The following SBF2 variants were observed in gnomAD, a reference collection of about 807,000 sequenced individuals.
The protein encoded by SBF2 is SET binding factor 2.
In SBF2, 112 loss-of-function variants were observed where a neutral mutation model predicts 225.2. The observed-to-expected ratio is 0.50, with a 90% CI of 0.43 to 0.58. The LOEUF (loss-of-function observed/expected upper bound fraction) is 0.58. Ranked by LOEUF, SBF2 falls within the 20% of genes least tolerant of loss-of-function variation. The pLI is 0.00. For missense variants in SBF2, 1,996 were observed against 2,206.2 expected (o/e 0.90, Z 1.91); for synonymous variants, 763 against 773.3 (o/e 0.99, Z 0.22).
At chr11:10,061,743 A>G (rs1050105662) in intron 2 of SBF2, among the ~76,000 whole-genome samples, 6 of 152,228 alleles carry the variant, frequency 3.9e-5, no homozygotes, top group African/African-American at 7.2e-5. Context: ...GGAAGAATCA[A>G]TATCATTAAA....
chr11:10,115,152 C>T (rs979824949), intron 2 of SBF2, among the ~76,000 whole-genome samples: 2 of 152,064 alleles, frequency 1.3e-5, no homozygotes, highest in Non-Finnish European at 2.9e-5. Flanking sequence ...TTCCTGGCCT[C>T]GGTGAACAAA....
intron 16 of SBF2, among the ~76,000 whole-genome samples, chr11:9,936,546 A>G (rs560969480): frequency 1.1e-4 from 17 of 152,372 alleles, no homozygotes; most frequent in African/African-American, 3.8e-4. Context: ...AAGACTTGGA[A>G]CCAACCCAAA....
At chr11:9,783,157 A>C (rs1356366435) in intron 38 of SBF2, 1 of 152,234 alleles carries the variant, frequency 6.6e-6, no homozygotes, top group Non-Finnish European at 1.5e-5. Flanking sequence ...AAATTATGAC[A>C]TTCTCCTATG....
intron 28 of SBF2, among the ~76,000 whole-genome samples, chr11:9,826,731 A>G (rs202197087): frequency 0.021 from 1,392 of 64,912 alleles, 38 homozygotes; most frequent in East Asian, 0.16. Flanking sequence ...ATATATATAT[A>G]TGTGTGTGTG....
chr11:10,024,158 T>A (rs566315940), intron 6 of SBF2, among the ~76,000 whole-genome samples: 2 of 152,326 alleles, frequency 1.3e-5, no homozygotes, highest in East Asian at 3.9e-4. Flanking sequence ...AGCCATTCAT[T>A]TTTCATTTAG....
intron 1 of SBF2, among the ~76,000 whole-genome samples, chr11:10,228,385 T>A (rs1231651251): frequency 1.3e-5 from 2 of 152,202 alleles, no homozygotes; most frequent in South Asian, 2.1e-4. Context: ...AGAGAGGGCA[T>A]CCCTGTCTTG....
At chr11:9,885,265 A>AAAC (rs1860179993) in intron 17 of SBF2, among the ~76,000 whole-genome samples, 1 of 150,104 alleles carries the variant, frequency 6.7e-6, no homozygotes, top group East Asian at 1.9e-4. Flanking sequence ...AAAAAAAAAA[A>AAAC]AAAAAAAAAA....
chr11:10,042,756 T>A, intron 3 of SBF2, 88 bp downstream of exon 3: 1 of 1,407,808 alleles, frequency 7.1e-7, no homozygotes, highest in Non-Finnish European at 1.0e-6. Flanking sequence ...AAACTCAAAC[T>A]TGCAGTTGTA....
chr11:10,253,025 A>G (rs1591310230), intron 1 of SBF2, among the ~76,000 whole-genome samples: 2 of 151,354 alleles, frequency 1.3e-5, no homozygotes, highest in East Asian at 1.9e-4. Flanking sequence ...TCATTGCTCA[A>G]TTAAACTCCT....
intron 2 of SBF2, among the ~76,000 whole-genome samples, chr11:10,177,418 G>A (rs994985403): frequency 3.4e-5 from 5 of 149,076 alleles, no homozygotes; most frequent in African/African-American, 7.5e-5. Context: ...GTTTGCAGAC[G>A]ACATGATTGT....
At chr11:9,861,430 G>A (rs1444760640) in intron 17 of SBF2, among the ~76,000 whole-genome samples, 4 of 152,146 alleles carry the variant, frequency 2.6e-5, no homozygotes, top group Middle Eastern at 3.2e-3. Flanking sequence ...TTGGGAGGCT[G>A]AGACAGGCAG....
chr11:9,805,022 A>C (rs988044773), intron 32 of SBF2, among the ~76,000 whole-genome samples: 3 of 152,170 alleles, frequency 2.0e-5, no homozygotes, highest in African/African-American at 7.2e-5. Flanking sequence ...AGGCAGATAG[A>C]TCACCTGAGC....
At chr11:9,892,219 A>G (rs1056133730) in intron 17 of SBF2, among the ~76,000 whole-genome samples, 1 of 151,990 alleles carries the variant, frequency 6.6e-6, no homozygotes, top group African/African-American at 2.4e-5. Context: ...CCTGAGTTCA[A>G]GTGATTCTCC....
chr11:10,129,290 G>A (rs1953915124), intron 2 of SBF2, among the ~76,000 whole-genome samples: 1 of 151,796 alleles, frequency 6.6e-6, no homozygotes, highest in Non-Finnish European at 1.5e-5. Context: ...TTTTAGCAGA[G>A]TCGGGGTTTC....
chr11:10,293,934 C>CGACGCCCGGCCCT, intron 1 of SBF2, 81 bp downstream of exon 1: 1 of 1,111,512 alleles, frequency 9.0e-7, no homozygotes, highest in Non-Finnish European at 1.1e-6. Flanking sequence ...CGCCCGTCCC[C>CGACGCCCGGCCCT]GACGCCCGGC....
intron 28 of SBF2, among the ~76,000 whole-genome samples, chr11:9,824,980 G>C (rs914119918): frequency 6.6e-6 from 1 of 152,158 alleles, no homozygotes; most frequent in African/African-American, 2.4e-5. Context: ...AGAAAGAAAT[G>C]ATGAGAAGAA....
At chr11:10,293,930 T>TGACGCCCGG in intron 1 of SBF2, 85 bp downstream of exon 1, 2 of 1,037,332 alleles carry the variant, frequency 1.9e-6, no homozygotes, top group African/African-American at 1.7e-5. Context: ...CCGACGCCCG[T>TGACGCCCGG]CCCCGACGCC....
chr11:10,041,008 C>T (rs1317530290), intron 3 of SBF2, among the ~76,000 whole-genome samples: 5 of 151,840 alleles, frequency 3.3e-5, no homozygotes, highest in Admixed American at 3.3e-4. Flanking sequence ...CAATATATTG[C>T]CTTTCTGTCA....
At chr11:10,000,867 T>G in intron 8 of SBF2, 47 bp downstream of exon 8, 1 of 984,478 alleles carries the variant, frequency 1.0e-6, no homozygotes, top group Non-Finnish European at 1.6e-6. Context: ...AGAAATATGA[T>G]AAACTTCTGG....
Sources: gnomAD v4.1 joint callset for allele counts (sites outside exome capture counted in the v4.1 genomes callset) on GRCh38, gnomAD v4.1.1 for gene constraint, MANE v1.5 for transcripts, NCBI Gene and HGNC (gene_info 2026-07-23, HGNC 2026-07-21) for gene names.